The following LUZP2 variants were observed in gnomAD, a reference collection of about 807,000 sequenced individuals.
LUZP2 encodes leucine zipper protein 2.
In LUZP2, 52 loss-of-function variants were observed where a neutral mutation model predicts 51.6. That is an observed-to-expected ratio of 1.01 (90% CI 0.81 to 1.27). The LOEUF (loss-of-function observed/expected upper bound fraction) is 1.27. Among genes scored for constraint, LUZP2 ranks in the 50% most tolerant of loss-of-function variants. LUZP2 has a pLI of 0.00. For synonymous variants in LUZP2, 154 were observed against 137.3 expected (o/e 1.12, Z -0.85); for missense variants, 436 against 395.4 (o/e 1.10, Z -0.87).
chr11:24,582,082 C>T (rs560354317), intron 1 of LUZP2, among the ~76,000 whole-genome samples: 9 of 152,118 alleles, frequency 5.9e-5, no homozygotes, highest in Admixed American at 3.3e-4. Flanking sequence ...GCTCTTCTAC[C>T]ACCTAATGTT....
chr11:24,656,788 G>A (rs971609072), intron 1 of LUZP2, among the ~76,000 whole-genome samples: 14 of 152,126 alleles, frequency 9.2e-5, no homozygotes, highest in African/African-American at 2.7e-4. Context: ...TTTGCGCTCC[G>A]AGCCCCTCTG....
chr11:24,904,163 C>T (rs761015330), intron 5 of LUZP2, among the ~76,000 whole-genome samples: 3 of 152,090 alleles, frequency 2.0e-5, no homozygotes, highest in Non-Finnish European at 2.9e-5. Flanking sequence ...TGATAATAAC[C>T]ATCCTAATCT....
intron 1 of LUZP2, among the ~76,000 whole-genome samples, chr11:24,571,494 T>C (rs138882798): frequency 6.6e-6 from 1 of 152,136 alleles, no homozygotes; most frequent in East Asian, 1.9e-4. Context: ...CATTTCCAAA[T>C]TAAAGTTAGT....
At chr11:24,718,964 T>A (rs1313865618) in intron 1 of LUZP2, among the ~76,000 whole-genome samples, 1 of 152,190 alleles carries the variant, frequency 6.6e-6, no homozygotes, top group Non-Finnish European at 1.5e-5. Context: ...TTAAATATTT[T>A]CAAGAAATTC....
chr11:24,551,902 A>T (rs1350936787), intron 1 of LUZP2, among the ~76,000 whole-genome samples: 1 of 151,912 alleles, frequency 6.6e-6, no homozygotes, highest in East Asian at 1.9e-4. Flanking sequence ...TCACCTCCCC[A>T]TACCCATTAA....
intron 1 of LUZP2, among the ~76,000 whole-genome samples, chr11:24,546,043 A>T (rs1289946554): frequency 1.3e-5 from 2 of 151,944 alleles, no homozygotes; most frequent in East Asian, 3.9e-4. Context: ...TTTTTTAGCA[A>T]TTGTGAAATG....
intron 1 of LUZP2, among the ~76,000 whole-genome samples, chr11:24,652,461 A>G (rs1855657927): frequency 6.6e-6 from 1 of 152,136 alleles, no homozygotes; most frequent in Admixed American, 6.6e-5. Context: ...ACATATATGT[A>G]GAGAGAAATA....
chr11:24,693,995 C>A (rs949213532), intron 1 of LUZP2, among the ~76,000 whole-genome samples: 29 of 151,922 alleles, frequency 1.9e-4, no homozygotes, highest in Admixed American at 4.6e-4. Context: ...TCATACATAT[C>A]ATTGGTGGAC....
intron 7 of LUZP2, among the ~76,000 whole-genome samples, chr11:24,933,414 G>A (rs1475773415): frequency 6.6e-6 from 1 of 152,162 alleles, no homozygotes; most frequent in Non-Finnish European, 1.5e-5. Flanking sequence ...TAAGCTCAGA[G>A]TTTTAAAGTA....
At chr11:24,658,977 T>G (rs1855915713) in intron 1 of LUZP2, among the ~76,000 whole-genome samples, 1 of 152,196 alleles carries the variant, frequency 6.6e-6, no homozygotes, top group Non-Finnish European at 1.5e-5. Flanking sequence ...TTGGTGGGAC[T>G]GTAAACTAGT....
chr11:24,767,999 A>G (rs1860260216), intron 5 of LUZP2, among the ~76,000 whole-genome samples: 1 of 151,406 alleles, frequency 6.6e-6, no homozygotes, highest in African/African-American at 2.4e-5. Flanking sequence ...TATTTATTTT[A>G]CTCCTAAGAT....
intron 1 of LUZP2, among the ~76,000 whole-genome samples, chr11:24,727,051 G>T (rs1173799780): frequency 7.7e-6 from 1 of 130,364 alleles, no homozygotes. Flanking sequence ...AAAATAGAGA[G>T]ATTTAAATTG....
intron 10 of LUZP2, among the ~76,000 whole-genome samples, chr11:25,054,409 AT>A (rs1256532075): frequency 6.6e-6 from 1 of 151,518 alleles, no homozygotes; most frequent in Non-Finnish European, 1.5e-5. Context: ...AAGCACACTG[AT>A]TTTTTTTCTT....
intron 7 of LUZP2, among the ~76,000 whole-genome samples, chr11:24,959,077 T>G (rs1253144293): frequency 6.6e-6 from 1 of 152,158 alleles, no homozygotes; most frequent in African/African-American, 2.4e-5. Context: ...ATGTGTGGCA[T>G]TATTTCTGAG....
chr11:24,750,346 A>G (rs1289585953), intron 4 of LUZP2, among the ~76,000 whole-genome samples: 2 of 152,192 alleles, frequency 1.3e-5, no homozygotes, highest in East Asian at 1.9e-4. Flanking sequence ...ATCCCTATGA[A>G]TACTGCATCA....
chr11:24,793,251 T>C (rs546883352), intron 5 of LUZP2, among the ~76,000 whole-genome samples: 116 of 152,290 alleles, frequency 7.6e-4, no homozygotes, highest in Non-Finnish European at 8.1e-4. Context: ...CCTTAAAATA[T>C]GGCACTATTC....
At chr11:24,987,390 C>T (rs1385336129) in intron 9 of LUZP2, among the ~76,000 whole-genome samples, 1 of 151,792 alleles carries the variant, frequency 6.6e-6, no homozygotes, top group Non-Finnish European at 1.5e-5. Context: ...TAGTACATGT[C>T]ATAAAGAAAG....
At chr11:25,008,361 G>A (rs1027710056) in intron 9 of LUZP2, among the ~76,000 whole-genome samples, 1 of 152,318 alleles carries the variant, frequency 6.6e-6, no homozygotes, top group Admixed American at 6.5e-5. Context: ...CTTTTGCTTG[G>A]GCAGTCCCAA....
intron 1 of LUZP2, among the ~76,000 whole-genome samples, chr11:24,726,203 T>C (rs574885845): frequency 4.3e-4 from 66 of 152,258 alleles, no homozygotes; most frequent in African/African-American, 1.5e-3. Flanking sequence ...TATGAAAATA[T>C]AATCAATCTC....
Sources: gnomAD v4.1 joint callset for allele counts (sites outside exome capture counted in the v4.1 genomes callset) on GRCh38, gnomAD v4.1.1 for gene constraint, MANE v1.5 for transcripts, NCBI Gene and HGNC (gene_info 2026-07-23, HGNC 2026-07-21) for gene names.